The following SYT14 variants were observed in gnomAD, a reference collection of about 807,000 sequenced individuals.
The protein encoded by SYT14 is synaptotagmin-14.
Under a neutral mutation model 74.2 loss-of-function variants are expected in SYT14, and 32 were observed. The ratio of observed to expected loss-of-function variants is 0.43; its 90% CI spans 0.33 to 0.58. SYT14 has a LOEUF of 0.58. Among genes scored for constraint, SYT14 ranks in the 20% least tolerant of loss-of-function variants. The pLI, the probability that SYT14 is intolerant of heterozygous loss-of-function variation, is 0.05. For missense variants in SYT14, 791 were observed against 981.8 expected (o/e 0.81, Z 2.60); for synonymous variants, 298 against 337.7 (o/e 0.88, Z 1.29).
At chr1:210,064,155 A>T (rs2081256590) in intron 5 of SYT14, among the ~76,000 whole-genome samples, 1 of 152,026 alleles carries the variant, frequency 6.6e-6, no homozygotes, top group South Asian at 2.1e-4. Context: ...ATCATAATAT[A>T]TGCCTTTTTG....
chr1:210,132,073 G>A (rs1452111406), intron 7 of SYT14, among the ~76,000 whole-genome samples: 6 of 152,054 alleles, frequency 3.9e-5, no homozygotes, highest in Non-Finnish European at 7.4e-5. Context: ...CCCTCTGAAT[G>A]GGTGCCCTTC....
At chr1:210,104,646 CT>C (rs1273572565) in intron 7 of SYT14, among the ~76,000 whole-genome samples, 1 of 152,100 alleles carries the variant, frequency 6.6e-6, no homozygotes, top group Non-Finnish European at 1.5e-5. Flanking sequence ...ATAAAATAAC[CT>C]TTCCCTTTTT....
At chr1:210,003,122 C>A (rs1270763676) in intron 2 of SYT14, among the ~76,000 whole-genome samples, 1 of 151,992 alleles carries the variant, frequency 6.6e-6, no homozygotes, top group African/African-American at 2.4e-5. Flanking sequence ...TATGTAAATT[C>A]ATTTTTCCCT....
At chr1:209,979,459 T>G (rs972349380) in intron 2 of SYT14, among the ~76,000 whole-genome samples, 1 of 152,136 alleles carries the variant, frequency 6.6e-6, no homozygotes, top group African/African-American at 2.4e-5. Flanking sequence ...TCCCAACTTT[T>G]AAGTTTAGGG....
chr1:209,963,039 G>C (rs559622416), intron 2 of SYT14, among the ~76,000 whole-genome samples: 75 of 152,078 alleles, frequency 4.9e-4, no homozygotes, highest in Non-Finnish European at 7.9e-4. Context: ...ATTCAGTTGA[G>C]TTATGGACTT....
chr1:210,013,940 G>A (rs771519887), intron 3 of SYT14, 143 bp downstream of exon 3: 2 of 789,950 alleles, frequency 2.5e-6, no homozygotes, highest in African/African-American at 1.8e-5. Flanking sequence ...GATCTGTTAA[G>A]TAAATTATGT....
At chr1:209,952,834 C>T (rs571786842) in intron 2 of SYT14, 78 bp downstream of exon 2, 10 of 1,358,186 alleles carry the variant, frequency 7.4e-6, no homozygotes, top group African/African-American at 2.9e-5. Flanking sequence ...AGTAGGATGG[C>T]GGATAATTTG....
chr1:209,959,672 G>A (rs1188095503), intron 2 of SYT14, among the ~76,000 whole-genome samples: 2 of 152,038 alleles, frequency 1.3e-5, no homozygotes, highest in East Asian at 1.9e-4. Context: ...GACACAAAAG[G>A]CCACATATCA....
Position 210,081,723 on chromosome 1 carries a change from C to T in SYT14, c.1313-12599C>T, listed in dbSNP as rs544390169. ...AATAAACACAGTTGGAGAGATAAAACTATAGCCTCAGCCTCATAAGCATCA... is the reference window on the plus strand; with the variant it reads ...AATAAACACAGTTGGAGAGATAAAATTATAGCCTCAGCCTCATAAGCATCA... On this transcript the variant is annotated intron_variant, in intron 5 of 9. Transcript: ENST00000637265. Among the ~76,000 whole-genome samples, 15 of 152,290 alleles carry T rather than the reference C, an allele frequency of 9.8e-5. No individual in the cohort carries two copies. The South Asian group carries it at 3.1e-3, about 32-fold the overall frequency.
intron 5 of SYT14, among the ~76,000 whole-genome samples, chr1:210,069,669 TTAATTA>T (rs918337768): frequency 6.6e-6 from 1 of 152,072 alleles, no homozygotes; most frequent in Admixed American, 6.6e-5. Flanking sequence ...ACCTTTATTC[TTAATTA>T]TAAGTGTATA....
chr1:210,069,675 A>T (rs1379180517), intron 5 of SYT14, among the ~76,000 whole-genome samples: 3 of 151,998 alleles, frequency 2.0e-5, no homozygotes, highest in South Asian at 2.1e-4. Context: ...ATTCTTAATT[A>T]TAAGTGTATA....
At chr1:210,066,058 A>G (rs1285514671) in intron 5 of SYT14, among the ~76,000 whole-genome samples, 1 of 151,554 alleles carries the variant, frequency 6.6e-6, no homozygotes, top group Admixed American at 6.6e-5. Context: ...ACATGAACTC[A>G]TCATTTTTTA....
intron 2 of SYT14, among the ~76,000 whole-genome samples, chr1:209,985,821 C>A (rs1380462704): frequency 6.6e-6 from 1 of 152,250 alleles, no homozygotes; most frequent in Non-Finnish European, 1.5e-5. Context: ...ACATGGAAGC[C>A]TCCAAGGCTT....
At chr1:210,009,495 G>A in intron 2 of SYT14, among the ~76,000 whole-genome samples, 1 of 151,892 alleles carries the variant, frequency 6.6e-6, no homozygotes, top group East Asian at 1.9e-4. Flanking sequence ...TTTTCCTAGT[G>A]GGGAAAGCTG....
chr1:210,099,296 A>G (rs551933681), intron 6 of SYT14, among the ~76,000 whole-genome samples: 82 of 152,286 alleles, frequency 5.4e-4, no homozygotes, highest in African/African-American at 1.8e-3. Context: ...TTTTAATTTC[A>G]TAATTAAAAA....
chr1:209,979,404 G>C (rs2079438141), intron 2 of SYT14, among the ~76,000 whole-genome samples: 1 of 152,142 alleles, frequency 6.6e-6, no homozygotes, highest in Non-Finnish European at 1.5e-5. Flanking sequence ...TGTTATGGAT[G>C]AGATGGTTTT....
chr1:210,059,410 G>A (rs1341264009), intron 5 of SYT14, among the ~76,000 whole-genome samples: 1 of 114,306 alleles, frequency 8.7e-6, no homozygotes, highest in Non-Finnish European at 1.8e-5. Flanking sequence ...ACCTGTATAT[G>A]CATGATGACA....
At chr1:209,965,802 T>C (rs1008586121) in intron 2 of SYT14, 5 of 407,550 alleles carry the variant, frequency 1.2e-5, no homozygotes, top group Admixed American at 3.1e-5. Context: ...AAAAAAACTA[T>C]CCTTTCTGTG....
intron 5 of SYT14, among the ~76,000 whole-genome samples, chr1:210,059,696 C>G (rs1414198862): frequency 3.3e-5 from 5 of 152,046 alleles, no homozygotes; most frequent in Non-Finnish European, 7.4e-5. Context: ...ATACTCTTCT[C>G]TGACCTCAGG....
Sources: gnomAD v4.1 joint callset for allele counts (sites outside exome capture counted in the v4.1 genomes callset) on GRCh38, gnomAD v4.1.1 for gene constraint, MANE v1.5 for transcripts, NCBI Gene and HGNC (gene_info 2026-07-23, HGNC 2026-07-21) for gene names.